Variants in ERCC6 observed in about 807,000 individuals in gnomAD.
ERCC6 encodes DNA excision repair protein ERCC-6.
ERCC6 carries 116 observed loss-of-function variants against 158.7 expected under a neutral mutation model. That is an observed-to-expected ratio of 0.73 (90% CI 0.63 to 0.85). The LOEUF (loss-of-function observed/expected upper bound fraction) is 0.85. ERCC6 is among the 40% of genes least tolerant of loss of function. ERCC6 has a pLI of 0.00. For missense variants in ERCC6, 1,698 were observed against 1,799.4 expected (o/e 0.94, Z 1.02); for synonymous variants, 678 against 659.3 (o/e 1.03, Z -0.43).
chr10:49,502,248 TTACATAA>T (rs1851368347), intron 6 of ERCC6: 1 of 152,162 alleles, frequency 6.6e-6, no homozygotes, highest in South Asian at 2.1e-4. Flanking sequence ...TTATTACCTA[TTACATAA>T]GGAAAACTCT....
chr10:49,459,076 A>C lies in ERCC6; in HGVS notation c.4221T>G (p.Ser1407Arg), dbSNP rs755243867. 3.1e-6 allele frequency: 5 copies of C among 1,614,162 alleles called. No individual in the cohort carries two copies. The highest frequency in any genetic ancestry group is 4.2e-6 in the Non-Finnish European group (5 of 1,180,028). The change falls in exon 21 of 21, where the codon AGT becomes AGG. Residue 1407 changes from serine (S) to arginine (R), a missense_variant. Physicochemically the swap from Ser to Arg is moderately radical, Grantham distance 110. Transcript: ENST00000355832. ...AAGCTTCCTGCAGGTGCCCGCTTTC[A>C]CTTTCTAAACGCTCTGGCAGAATCA... Reference protein sequence around the residue: ...NHLILPERLESESGHLQEASA... With the variant: ...NHLILPERLERESGHLQEASA...
chr10:49,515,659 G>A (rs1204239475), intron 5 of ERCC6: 2 of 1,614,002 alleles, frequency 1.2e-6, no homozygotes, highest in South Asian at 2.2e-5. Flanking sequence ...AACAAAAGAG[G>A]GCTTGAATAC....
chr10:49,459,370 C>G, intron 20 of ERCC6, 136 bp from the exon 21 acceptor site: 1 of 847,600 alleles, frequency 1.2e-6, no homozygotes, highest in South Asian at 1.5e-5. Flanking sequence ...GACTGAGACT[C>G]CACCTAATGA....
chr10:49,438,571 T>C, the ERCC6 span, among the ~76,000 whole-genome samples: 1 of 151,992 alleles, frequency 6.6e-6, no homozygotes, highest in African/African-American at 2.4e-5. Context: ...AACCATATCA[T>C]TCTGCCCCAA....
intron 7 of ERCC6, among the ~76,000 whole-genome samples, chr10:49,496,708 T>C (rs1851273124): frequency 1.3e-5 from 2 of 152,162 alleles, no homozygotes; most frequent in Admixed American, 1.3e-4. Context: ...CTTGGGAGGC[T>C]GAGGCAGGAG....
intron 3 of ERCC6, 151 bp from the exon 4 acceptor site, chr10:49,528,676 A>G: frequency 9.7e-7 from 1 of 1,033,066 alleles, no homozygotes. Flanking sequence ...CTATTACTAG[A>G]GAGCCCTATG....
intron 1 of ERCC6, among the ~76,000 whole-genome samples, chr10:49,538,596 A>C (rs1837659347): frequency 6.6e-6 from 1 of 152,184 alleles, no homozygotes; most frequent in Non-Finnish European, 1.5e-5. Flanking sequence ...CAACGCCCAA[A>C]ACGTCGGACG....
intron 5 of ERCC6, chr10:49,515,694 C>T (rs749872255): frequency 4.3e-6 from 7 of 1,613,932 alleles, no homozygotes; most frequent in South Asian, 1.1e-5. Context: ...GATTGATGCC[C>T]GATACTTATC....
chr10:49,538,216 G>C (rs1038465485), intron 1 of ERCC6, among the ~76,000 whole-genome samples: 2 of 152,198 alleles, frequency 1.3e-5, no homozygotes, highest in Non-Finnish European at 2.9e-5. Context: ...GGGCAAGCTG[G>C]GTCTCATTTG....
rs4253048 is a variant in ERCC6, at chr10:49,524,035, T to C, written c.1395A>G (p.Leu465=). 6.2e-7 allele frequency: 1 copy of C among 1,613,208 alleles called. No homozygotes were observed. Among genetic ancestry groups the C allele is most frequent in the African/African-American group, 1.3e-5 (1 of 74,848 alleles). The change falls in exon 5 of 21, where the codon TTA becomes TTG. Residue 465 remains leucine, a splice_region_variant and synonymous_variant. Coordinates refer to ENST00000355832, the MANE Select transcript of ERCC6 (RefSeq NM_000124.4). The stretch of plus-strand genomic sequence containing the variant: ...ATTTATAATCCCCACAGACCGACCT[T>C]AACCGCTGCTTATAATAATCTTCAT... ...DGDEDYYKQR[L]RRWNKLRLQD...
intron 18 of ERCC6, 63 bp from the exon 19 acceptor site, chr10:49,461,619 CT>C: frequency 1.3e-6 from 2 of 1,510,874 alleles, no homozygotes; most frequent in Non-Finnish European, 1.8e-6. Context: ...CACTTTTCTC[CT>C]CTGTATAAGT....
At chr10:49,515,057 G>T (rs1471289152) in intron 5 of ERCC6, 2 of 495,780 alleles carry the variant, frequency 4.0e-6, no homozygotes, top group Non-Finnish European at 6.0e-6. Flanking sequence ...GTCTTCATTT[G>T]TGTCTCAGCT....
chr10:49,532,808 C>T lies in ERCC6; in HGVS notation c.157G>A (p.Gly53Arg), dbSNP rs753551732. 11 of 1,614,088 alleles carry T rather than the reference C, an allele frequency of 6.8e-6. No homozygotes were observed. In the East Asian group the frequency reaches 8.9e-5, roughly 13 times the overall value. The change falls in exon 2 of 21, where the codon GGG becomes AGG. Residue 53 changes from glycine to arginine, a missense_variant. Coordinates refer to ENST00000355832, the MANE Select transcript of ERCC6 (RefSeq NM_000124.4). ...EYLSFRSVGD[G>R]LSTSAVGCAS... Reference sequence around the variant, plus strand: ...CACCCCACAGCAGAGGTGGACAGCCCGTCACCCACAGAACGAAAGGAGAGG... The same window carrying T: ...CACCCCACAGCAGAGGTGGACAGCCTGTCACCCACAGAACGAAAGGAGAGG...
In ERCC6 at chr10:49,458,192, A is replaced by G. The variant is rs189862487; in HGVS notation, c.*623T>C. On this transcript the variant is annotated 3_prime_UTR_variant, in exon 21 of 21. Coordinates refer to ENST00000355832, the MANE Select transcript of ERCC6 (RefSeq NM_000124.4). Reference sequence around the variant, plus strand: ...ATACCCTACAGCTTTCCACAAATACATGTCTTATCATTTATTACCATACTA... The same window carrying G: ...ATACCCTACAGCTTTCCACAAATACGTGTCTTATCATTTATTACCATACTA... 2 of 153,270 alleles carry G rather than the reference A, an allele frequency of 1.3e-5. No homozygotes were observed. Among genetic ancestry groups the G allele is most frequent in the East Asian group, 1.9e-4 (1 of 5,206 alleles). 9.5% of individuals were successfully genotyped at this position (153,270 alleles called of 1,614,324 possible).
chr10:49,520,105 G>A (rs1331564789), intron 5 of ERCC6, among the ~76,000 whole-genome samples: 1 of 152,196 alleles, frequency 6.6e-6, no homozygotes, highest in Admixed American at 6.5e-5. Flanking sequence ...TATACAAACT[G>A]CATCAGCCAA....
chr10:49,505,960 C>A lies in ERCC6; in HGVS notation c.1450G>T (p.Asp484Tyr). The A allele has an allele frequency of 6.8e-6, 11 of 1,613,530 alleles. No individual in the cohort carries two copies. Among genetic ancestry groups the A allele is most frequent in the Non-Finnish European group, 9.3e-6 (11 of 1,179,606 alleles). The part of the protein sequence containing the change: ...QDKEKRLKLE[D>Y]DSEESDAEFD... ...TCAGCATCACTTTCCTCAGAATCGT[C>A]CTCCAGCTTCAGACGTTTCTCTTTG... The change falls in exon 6 of 21, where the codon GAC becomes TAC. Residue 484 changes from aspartate (D) to tyrosine (Y), a missense_variant. Asp to Tyr is a radical substitution (Grantham distance 160). Transcript: ENST00000355832.
chr10:49,527,048 G>C (rs943859294), intron 4 of ERCC6, among the ~76,000 whole-genome samples: 1 of 152,212 alleles, frequency 6.6e-6, no homozygotes, highest in African/African-American at 2.4e-5. Context: ...AAGAAAACCA[G>C]TAGAGAAGCA....
chr10:49,435,398 A>G, the ERCC6 span, among the ~76,000 whole-genome samples: 1 of 152,222 alleles, frequency 6.6e-6, no homozygotes, highest in African/African-American at 2.4e-5. Context: ...CCCAACAATC[A>G]GCACATTCTG....
At chr10:49,527,701 T>C (rs1336722404) in intron 4 of ERCC6, among the ~76,000 whole-genome samples, 2 of 152,228 alleles carry the variant, frequency 1.3e-5, no homozygotes, top group African/African-American at 4.8e-5. Context: ...TTTTTTCTAT[T>C]GCTTCAATTA....
Sources: gnomAD v4.1 joint callset for allele counts (sites outside exome capture counted in the v4.1 genomes callset) on GRCh38, gnomAD v4.1.1 for gene constraint, MANE v1.5 for transcripts, NCBI Gene and HGNC (gene_info 2026-07-23, HGNC 2026-07-21) for gene names.